The following FAM78B variants were observed in gnomAD, a reference collection of about 807,000 sequenced individuals.
The protein encoded by FAM78B is protein FAM78B.
A neutral mutation model predicts 20.0 loss-of-function variants in FAM78B; 10 were observed. That is an observed-to-expected ratio of 0.50 (90% CI 0.31 to 0.85). The LOEUF (loss-of-function observed/expected upper bound fraction) is 0.85, where lower values mean the gene tolerates loss of function less well. Among genes scored for constraint, FAM78B ranks in the 40% least tolerant of loss-of-function variants. The probability of loss-of-function intolerance (pLI) is 0.05; values close to 1 mark genes in which losing one functional copy is unlikely to be tolerated. For missense variants in FAM78B, 283 were observed against 345.0 expected (o/e 0.82, Z 1.42); for synonymous variants, 135 against 132.8 (o/e 1.02, Z -0.12).
chr1:166,063,990 G>A lies in FAM78B; in HGVS notation c.*410-3327C>T, dbSNP rs188720320. ...GGCTTCACATTTGTCCTGGTGAGAA[G>A]AGCTGGTTAGGTTCTCTTAGGGGCC... On this transcript the variant is annotated intron_variant and NMD_transcript_variant, in intron 2 of 2. Coordinates refer to the FAM78B transcript ENST00000435676. 3.0e-4 allele frequency among the ~76,000 whole-genome samples: 46 copies of A among 152,304 alleles called. 1 individual carries two copies. Among genetic ancestry groups the A allele is most frequent in the Admixed American group, 2.6e-3 (40 of 15,294 alleles).
At chr1:166,082,381 C>T (rs1362193859) in intron 1 of FAM78B, among the ~76,000 whole-genome samples, 5 of 152,122 alleles carry the variant, frequency 3.3e-5, no homozygotes, top group Non-Finnish European at 5.9e-5. Context: ...TTTTCTTTTT[C>T]TGAAAATAGA....
intron 1 of FAM78B, among the ~76,000 whole-genome samples, chr1:166,109,840 G>GTA (rs1300124049): frequency 0.02 from 528 of 25,838 alleles, 48 homozygotes; most frequent in Middle Eastern, 0.036. Flanking sequence ...ATGTATATAT[G>GTA]TATATATATA....
intron 1 of FAM78B, among the ~76,000 whole-genome samples, chr1:166,143,166 A>T (rs574236548): frequency 2.8e-4 from 43 of 152,338 alleles, no homozygotes; most frequent in African/African-American, 1.0e-3. Context: ...GAGTTAAAAC[A>T]TAAAATATTT....
chr1:166,087,930 G>A (rs1341638958), intron 1 of FAM78B, among the ~76,000 whole-genome samples: 2 of 152,224 alleles, frequency 1.3e-5, no homozygotes, highest in East Asian at 1.9e-4. Context: ...GAGGAGTGCC[G>A]CTCAGGCTGG....
intron 1 of FAM78B, among the ~76,000 whole-genome samples, chr1:166,092,255 A>T (rs1180279742): frequency 1.3e-5 from 2 of 152,220 alleles, no homozygotes; most frequent in Non-Finnish European, 2.9e-5. Flanking sequence ...TGTGGAGAAT[A>T]AAAAGTGTGG....
chr1:166,078,927 G>GTTTTTTTTTT (rs11345450), intron 1 of FAM78B, among the ~76,000 whole-genome samples: 1 of 135,354 alleles, frequency 7.4e-6, no homozygotes. Context: ...GGCCTTACAT[G>GTTTTTTTTTT]TTTTTTTTTT....
intron 1 of FAM78B, among the ~76,000 whole-genome samples, chr1:166,078,927 G>GTTTTT (rs11345450): frequency 3.7e-5 from 5 of 135,354 alleles, no homozygotes; most frequent in African/African-American, 2.7e-5. Flanking sequence ...GGCCTTACAT[G>GTTTTT]TTTTTTTTTT....
At chr1:166,072,768 G>A (rs1237949605) in intron 1 of FAM78B, among the ~76,000 whole-genome samples, 1 of 152,218 alleles carries the variant, frequency 6.6e-6, no homozygotes, top group Non-Finnish European at 1.5e-5. Flanking sequence ...CCGAGCAGTG[G>A]CAGACTGTTC....
chr1:166,078,728 TGGAGGCAG>T lies in FAM78B; in HGVS notation c.264-7973_264-7966del, dbSNP rs575614587. 2.2e-4 allele frequency among the ~76,000 whole-genome samples: 34 copies of T among 151,962 alleles called. No homozygotes were observed. In the East Asian group the frequency reaches 6.0e-3, roughly 27 times the overall value. On this transcript the variant is annotated intron_variant, in intron 1 of 1. Coordinates refer to ENST00000354422, the MANE Select transcript of FAM78B (RefSeq NM_001017961.5). ...GGGGAGAGGCTGGCAGCAACATTCT[TGGAGGCAG>T]GGAGTGGGCAGTTATGCAGGGACTC...
chr1:166,058,608 C>G (rs1170590040), exon 3 of FAM78B: 5 of 151,752 alleles, frequency 3.3e-5, no homozygotes, highest in African/African-American at 4.8e-5. Flanking sequence ...TGGGGCCCAT[C>G]ATGAACATAA....
intron 1 of FAM78B, among the ~76,000 whole-genome samples, chr1:166,077,893 A>G (rs1652375586): frequency 1.0e-4 from 1 of 9,856 alleles, no homozygotes; most frequent in Non-Finnish European, 1.6e-4. Context: ...TAATAAATAT[A>G]TATAATTTAT....
Sources: allele counts gnomAD v4.1 joint callset (sites outside exome capture counted in the v4.1 genomes callset), GRCh38; gene constraint gnomAD v4.1.1; transcripts MANE v1.5; gene names NCBI Gene and HGNC (gene_info 2026-07-23, HGNC 2026-07-21).